TRDN: variants seen among roughly 807,000 people sequenced by gnomAD.
TRDN encodes triadin, also known as triadin in skeletal muscle.
In TRDN, 161 loss-of-function variants were observed where a neutral mutation model predicts 149.7. The ratio of observed to expected loss-of-function variants is 1.08; its 90% CI spans 0.95 to 1.23. TRDN has a LOEUF of 1.23. Among genes scored for constraint, TRDN ranks in the 50% most tolerant of loss-of-function variants. The pLI, the probability that TRDN is intolerant of heterozygous loss-of-function variation, is 0.00. For missense variants in TRDN, 896 were observed against 823.5 expected (o/e 1.09, Z -1.08); for synonymous variants, 294 against 250.5 (o/e 1.17, Z -1.64).
At chr6:123,611,027 A>G (rs1267408170) in intron 1 of TRDN, among the ~76,000 whole-genome samples, 1 of 152,154 alleles carries the variant, frequency 6.6e-6, no homozygotes, top group Non-Finnish European at 1.5e-5. Context: ...GTAGCACAAC[A>G]ATAGAAAAAT....
At chr6:123,297,036 T>A (rs1449759998) in intron 24 of TRDN, among the ~76,000 whole-genome samples, 1 of 151,984 alleles carries the variant, frequency 6.6e-6, no homozygotes, top group Admixed American at 6.6e-5. Flanking sequence ...GATAAGAGAG[T>A]GTTTGGAAAG....
chr6:123,484,152 A>C (rs1165727157), intron 9 of TRDN, among the ~76,000 whole-genome samples: 1 of 152,160 alleles, frequency 6.6e-6, no homozygotes, highest in Non-Finnish European at 1.5e-5. Flanking sequence ...TGCAGAAAAA[A>C]AAAGCTATAG....
rs959180118 is a variant in TRDN, at chr6:123,388,621, A to G, written c.1106-70T>C. 6 of 1,504,876 alleles carry G rather than the reference A, an allele frequency of 4.0e-6. No individual in the cohort carries two copies. The East Asian group carries it at 1.2e-4, about 31-fold the overall frequency. The allele number at this position is 1,504,876 out of a possible 1,614,324, so 93.2% of individuals were successfully genotyped here. ...CTCAGAATACTCCCCAGAATATGAGAATGTATTCCACATATTCATAAATTC... is the reference window on the plus strand; with the variant it reads ...CTCAGAATACTCCCCAGAATATGAGGATGTATTCCACATATTCATAAATTC... On this transcript the variant is annotated intron_variant, in intron 13 of 40. Coordinates refer to ENST00000334268, the MANE Select transcript of TRDN (RefSeq NM_006073.4).
intron 31 of TRDN, among the ~76,000 whole-genome samples, chr6:123,268,170 T>A (rs1174754119): frequency 1.3e-5 from 2 of 152,044 alleles, no homozygotes. Context: ...GTAACCTTCT[T>A]GCCAGTTAGA....
chr6:123,321,802 T>C (rs181754176), intron 23 of TRDN, among the ~76,000 whole-genome samples: 27 of 152,030 alleles, frequency 1.8e-4, no homozygotes, highest in Admixed American at 1.8e-3. Flanking sequence ...TCTGCTATAC[T>C]AGATGGTATC....
intron 7 of TRDN, 75 bp from the exon 8 acceptor site, chr6:123,503,976 A>G: frequency 7.0e-7 from 1 of 1,435,448 alleles, no homozygotes; most frequent in Non-Finnish European, 9.2e-7. Context: ...CTATGTCATT[A>G]AGGAAAATTG....
At chr6:123,573,843 A>G (rs1486398880) in intron 1 of TRDN, among the ~76,000 whole-genome samples, 1 of 152,100 alleles carries the variant, frequency 6.6e-6, no homozygotes, top group Admixed American at 6.6e-5. Context: ...CTATGTACAC[A>G]GGATGCTTGT....
At chr6:123,338,453 A>C (rs1364179924) in intron 21 of TRDN, among the ~76,000 whole-genome samples, 1 of 152,156 alleles carries the variant, frequency 6.6e-6, no homozygotes, top group South Asian at 2.1e-4. Context: ...GCTTTGGGAA[A>C]TGCAGCTGCC....
chr6:123,251,476 T>C (rs2114568678), intron 38 of TRDN, among the ~76,000 whole-genome samples: 1 of 152,136 alleles, frequency 6.6e-6, no homozygotes, highest in Non-Finnish European at 1.5e-5. Flanking sequence ...AAATAACATT[T>C]GTATAAAATA....
intron 7 of TRDN, chr6:123,510,027 C>T (rs1779102213): frequency 6.6e-6 from 1 of 152,078 alleles, no homozygotes; most frequent in Non-Finnish European, 1.5e-5. Context: ...CACTAGATTT[C>T]ATACATCTAT....
intron 1 of TRDN, among the ~76,000 whole-genome samples, chr6:123,580,694 A>G (rs1783079269): frequency 2.0e-5 from 3 of 152,266 alleles, no homozygotes; most frequent in African/African-American, 2.4e-5. Flanking sequence ...CCTATCACCA[A>G]TCAAATAGCT....
At chr6:123,351,714 A>T in intron 21 of TRDN, 1 of 929,262 alleles carries the variant, frequency 1.1e-6, no homozygotes, top group Non-Finnish European at 1.3e-6. Flanking sequence ...TCATACATTT[A>T]ATTGCATCTC....
chr6:123,340,961 A>T (rs907672230), intron 21 of TRDN, among the ~76,000 whole-genome samples: 2 of 151,986 alleles, frequency 1.3e-5, no homozygotes, highest in African/African-American at 2.4e-5. Context: ...TTTAATAGTT[A>T]ATATGTGAAT....
chr6:123,514,539 G>A (rs763411965), intron 6 of TRDN, among the ~76,000 whole-genome samples: 13 of 151,682 alleles, frequency 8.6e-5, no homozygotes, highest in Middle Eastern at 3.4e-3. Context: ...ACACATGTCC[G>A]TTCACAAAGA....
At chr6:123,232,394 G>A (rs1283271479) in intron 38 of TRDN, among the ~76,000 whole-genome samples, 7 of 151,996 alleles carry the variant, frequency 4.6e-5, no homozygotes, top group African/African-American at 7.2e-5. Context: ...GACTGTTGGG[G>A]CAGAAATGGG....
At chr6:123,290,465 A>G (rs1346547207) in intron 24 of TRDN, among the ~76,000 whole-genome samples, 1 of 152,196 alleles carries the variant, frequency 6.6e-6, no homozygotes, top group African/African-American at 2.4e-5. Context: ...AAAATTTAAC[A>G]GAATTTTTAT....
At chr6:123,490,256 T>C (rs1778157232) in intron 9 of TRDN, among the ~76,000 whole-genome samples, 1 of 152,182 alleles carries the variant, frequency 6.6e-6, no homozygotes, top group African/African-American at 2.4e-5. Context: ...AGTAGATACC[T>C]GAAACAATGA....
chr6:123,243,957 T>G (rs925310513), intron 38 of TRDN, among the ~76,000 whole-genome samples: 2 of 152,016 alleles, frequency 1.3e-5, no homozygotes, highest in Non-Finnish European at 2.9e-5. Flanking sequence ...AGGAGAAAAC[T>G]AACAGGAATT....
intron 1 of TRDN, among the ~76,000 whole-genome samples, chr6:123,580,754 T>G (rs1783081818): frequency 6.6e-6 from 1 of 152,118 alleles, no homozygotes; most frequent in African/African-American, 2.4e-5. Flanking sequence ...CTGCTTAGAG[T>G]TCTTCTCTAT....
Sources: allele counts gnomAD v4.1 joint callset (sites outside exome capture counted in the v4.1 genomes callset), GRCh38; gene constraint gnomAD v4.1.1; transcripts MANE v1.5; gene names NCBI Gene and HGNC (gene_info 2026-07-23, HGNC 2026-07-21).